NELL1: variants seen among roughly 807,000 people sequenced by gnomAD.
NELL1 encodes the protein protein kinase C-binding protein NELL1.
A neutral mutation model predicts 107.4 loss-of-function variants in NELL1; 76 were observed. The ratio of observed to expected loss-of-function variants is 0.71; its 90% CI spans 0.59 to 0.86. NELL1 has a LOEUF of 0.86. Among genes scored for constraint, NELL1 ranks in the 40% least tolerant of loss-of-function variants. The probability of loss-of-function intolerance (pLI) is 0.00; values close to 1 mark genes in which losing one functional copy is unlikely to be tolerated. For missense variants in NELL1, 1,024 were observed against 1,005.5 expected (o/e 1.02, Z -0.25); for synonymous variants, 353 against 341.2 (o/e 1.03, Z -0.38).
intron 2 of NELL1, among the ~76,000 whole-genome samples, chr11:20,761,981 A>G (rs1029004949): frequency 3.9e-5 from 6 of 152,194 alleles, no homozygotes; most frequent in Non-Finnish European, 7.3e-5. Context: ...TCGGGAGAGA[A>G]CCTTGTGAGT....
chr11:21,464,402 CA>C (rs60770584), intron 15 of NELL1, among the ~76,000 whole-genome samples: 7,318 of 136,024 alleles, frequency 0.054, 515 homozygotes, highest in African/African-American at 0.18. Context: ...ATGTCCGTGG[CA>C]AAAAAAAAAA....
intron 10 of NELL1, among the ~76,000 whole-genome samples, chr11:20,941,957 A>G (rs545895259): frequency 3.3e-4 from 50 of 152,184 alleles, no homozygotes; most frequent in Non-Finnish European, 6.0e-4. Context: ...TTTGTGAGGC[A>G]TCTCCTGAGA....
At chr11:20,786,474 A>G (rs1188906970) in intron 3 of NELL1, among the ~76,000 whole-genome samples, 5 of 152,134 alleles carry the variant, frequency 3.3e-5, no homozygotes, top group African/African-American at 9.7e-5. Context: ...TGAGTCACAC[A>G]GCACCAAAGT....
chr11:21,098,739 TC>T (rs1210953884), intron 12 of NELL1, among the ~76,000 whole-genome samples: 2 of 152,086 alleles, frequency 1.3e-5, no homozygotes. Context: ...TCCAGGTTTT[TC>T]CCCCAGTAAA....
chr11:21,016,163 C>T (rs151123058), intron 12 of NELL1, among the ~76,000 whole-genome samples: 2 of 151,960 alleles, frequency 1.3e-5, no homozygotes, highest in African/African-American at 2.4e-5. Context: ...GTGTTAGGAC[C>T]GACAGGATCA....
intron 3 of NELL1, among the ~76,000 whole-genome samples, chr11:20,786,350 C>A (rs909705454): frequency 4.4e-4 from 55 of 125,324 alleles, no homozygotes; most frequent in Middle Eastern, 4.5e-3. Context: ...AACCCCATCT[C>A]AAAAAAAAAA....
chr11:20,884,906 C>T (rs972214676), intron 4 of NELL1, among the ~76,000 whole-genome samples: 43 of 152,132 alleles, frequency 2.8e-4, no homozygotes, highest in Non-Finnish European at 3.8e-4. Context: ...GTTCTGTAGA[C>T]TAAAAACATG....
chr11:20,779,697 A>G (rs906700255), intron 2 of NELL1, among the ~76,000 whole-genome samples: 5 of 152,236 alleles, frequency 3.3e-5, no homozygotes, highest in African/African-American at 4.8e-5. Context: ...GAGGAGAAAA[A>G]TTGTAGAATC....
At chr11:20,960,787 CA>C (rs1293656093) in intron 12 of NELL1, among the ~76,000 whole-genome samples, 3 of 152,144 alleles carry the variant, frequency 2.0e-5, no homozygotes, top group African/African-American at 4.8e-5. Context: ...GGCAAAGAAG[CA>C]AAGGCAACAG....
chr11:21,034,366 G>A (rs7116866), intron 12 of NELL1, among the ~76,000 whole-genome samples: 3,585 of 152,138 alleles, frequency 0.024, 140 homozygotes, highest in African/African-American at 0.081. Context: ...CCATTGGTCT[G>A]TGTGTCTGTT....
intron 5 of NELL1, among the ~76,000 whole-genome samples, chr11:20,889,474 TA>T (rs1280383264): frequency 1.3e-5 from 2 of 152,150 alleles, no homozygotes; most frequent in Non-Finnish European, 2.9e-5. Flanking sequence ...GATCTTCATT[TA>T]AAAAACTTCC....
At chr11:21,181,656 G>A (rs933974064) in intron 13 of NELL1, among the ~76,000 whole-genome samples, 14 of 151,938 alleles carry the variant, frequency 9.2e-5, no homozygotes, top group African/African-American at 3.2e-4. Flanking sequence ...GAATTTTTAT[G>A]ATATTAGAGA....
At chr11:21,271,364 A>G (rs979764377) in intron 14 of NELL1, among the ~76,000 whole-genome samples, 8 of 152,192 alleles carry the variant, frequency 5.3e-5, no homozygotes, top group African/African-American at 1.7e-4. Flanking sequence ...ACAACTCTCT[A>G]TGCCCAAAAT....
At chr11:20,998,620 G>A (rs10500886) in intron 12 of NELL1, among the ~76,000 whole-genome samples, 51,983 of 152,100 alleles carry the variant, frequency 0.34, 12,244 homozygotes, top group African/African-American at 0.67. Flanking sequence ...CTTGAGAACT[G>A]TTAAGCCAAA....
chr11:20,955,077 G>C (rs964649490), intron 11 of NELL1, among the ~76,000 whole-genome samples: 1 of 152,174 alleles, frequency 6.6e-6, no homozygotes, highest in Non-Finnish European at 1.5e-5. Flanking sequence ...ATTCAGACAT[G>C]GGAAGTGAAG....
chr11:20,748,912 C>CCATT (rs1205411953), intron 2 of NELL1, among the ~76,000 whole-genome samples: 15 of 40,430 alleles, frequency 3.7e-4, no homozygotes, highest in Non-Finnish European at 6.8e-4. Context: ...ACCCAGCCAC[C>CCATT]CATCCATCCA....
chr11:20,759,679 T>A (rs1341178105), intron 2 of NELL1, among the ~76,000 whole-genome samples: 2 of 152,176 alleles, frequency 1.3e-5, no homozygotes, highest in African/African-American at 2.4e-5. Flanking sequence ...AGGTTTGTCA[T>A]TGCCAGGGCT....
At chr11:20,972,540 G>A (rs530319232) in intron 12 of NELL1, among the ~76,000 whole-genome samples, 60 of 152,132 alleles carry the variant, frequency 3.9e-4, no homozygotes, top group Non-Finnish European at 7.9e-4. Flanking sequence ...TTAGAAACTA[G>A]AGGGAGGCTG....
At chr11:21,439,564 A>G (rs1853226109) in intron 15 of NELL1, among the ~76,000 whole-genome samples, 1 of 152,184 alleles carries the variant, frequency 6.6e-6, no homozygotes, top group Non-Finnish European at 1.5e-5. Flanking sequence ...GATCAGCATT[A>G]AATGGATTAA....
Sources: gnomAD v4.1 joint callset for allele counts (sites outside exome capture counted in the v4.1 genomes callset) on GRCh38, gnomAD v4.1.1 for gene constraint, MANE v1.5 for transcripts, NCBI Gene and HGNC (gene_info 2026-07-23, HGNC 2026-07-21) for gene names.